The following LDB2 variants were observed in gnomAD, a reference collection of about 807,000 sequenced individuals.
LDB2 encodes the protein LIM domain-binding protein 2.
Under a neutral mutation model 44.3 loss-of-function variants are expected in LDB2, and 12 were observed. The observed-to-expected ratio is 0.27, with a 90% CI of 0.17 to 0.44. The LOEUF (loss-of-function observed/expected upper bound fraction) is 0.44, where lower values mean the gene tolerates loss of function less well. Among genes scored for constraint, LDB2 ranks in the 20% least tolerant of loss-of-function variants. The probability of loss-of-function intolerance (pLI) is 1.00; values close to 1 mark genes in which losing one functional copy is unlikely to be tolerated. For synonymous variants in LDB2, 164 were observed against 174.8 expected (o/e 0.94, Z 0.49); for missense variants, 344 against 473.5 (o/e 0.73, Z 2.54).
intron 1 of LDB2, among the ~76,000 whole-genome samples, chr4:16,881,994 A>C (rs979107884): frequency 3.9e-5 from 6 of 152,212 alleles, no homozygotes; most frequent in Non-Finnish European, 1.5e-5. Context: ...GTGGGTCAAA[A>C]TTTCCCACAT....
chr4:16,760,242 T>A (rs1277192713), intron 1 of LDB2, among the ~76,000 whole-genome samples: 1 of 152,176 alleles, frequency 6.6e-6, no homozygotes, highest in East Asian at 1.9e-4. Context: ...CCACTCCCCA[T>A]GTAATAGTCC....
intron 5 of LDB2, among the ~76,000 whole-genome samples, chr4:16,535,656 C>T (rs1282246763): frequency 2.6e-5 from 4 of 152,108 alleles, no homozygotes; most frequent in African/African-American, 4.8e-5. Context: ...GAACTGGGAC[C>T]AGATGGTTTA....
chr4:16,885,949 C>A (rs989340852), intron 1 of LDB2, among the ~76,000 whole-genome samples: 1 of 152,120 alleles, frequency 6.6e-6, no homozygotes, highest in Admixed American at 6.5e-5. Flanking sequence ...TTAACTCTGG[C>A]CTAAACTTGT....
chr4:16,753,208 C>T (rs1579341034), intron 2 of LDB2, among the ~76,000 whole-genome samples: 2 of 152,140 alleles, frequency 1.3e-5, no homozygotes, highest in East Asian at 1.9e-4. Context: ...ATGCATATTA[C>T]CAAGGAGTGA....
At chr4:16,670,430 G>A (rs1408874710) in intron 2 of LDB2, among the ~76,000 whole-genome samples, 1 of 152,106 alleles carries the variant, frequency 6.6e-6, no homozygotes, top group African/African-American at 2.4e-5. Flanking sequence ...CCACCACTGG[G>A]GTCATTGCTG....
At chr4:16,776,489 T>C (rs529351872) in intron 1 of LDB2, among the ~76,000 whole-genome samples, 1 of 152,158 alleles carries the variant, frequency 6.6e-6, no homozygotes, top group Non-Finnish European at 1.5e-5. Flanking sequence ...GGATGGCAAA[T>C]GGATTTCAAC....
intron 1 of LDB2, among the ~76,000 whole-genome samples, chr4:16,818,365 C>T (rs576209071): frequency 7.2e-5 from 11 of 152,230 alleles, no homozygotes; most frequent in Non-Finnish European, 1.3e-4. Context: ...CCAGGCAGAA[C>T]GCAAAGAGAG....
chr4:16,613,537 A>G (rs898341657), intron 2 of LDB2, among the ~76,000 whole-genome samples: 11 of 152,146 alleles, frequency 7.2e-5, no homozygotes, highest in Non-Finnish European at 1.6e-4. Flanking sequence ...TCAGCCCCCA[A>G]ATTTCTTGAA....
intron 2 of LDB2, among the ~76,000 whole-genome samples, chr4:16,676,032 C>T (rs143033793): frequency 6.6e-6 from 1 of 152,216 alleles, no homozygotes; most frequent in African/African-American, 2.4e-5. Context: ...GTATTTTATA[C>T]CCACATGAAG....
At chr4:16,508,133 T>C (rs1720284677) in intron 7 of LDB2, among the ~76,000 whole-genome samples, 1 of 152,098 alleles carries the variant, frequency 6.6e-6, no homozygotes, top group African/African-American at 2.4e-5. Context: ...CAAATTACAA[T>C]ATGGGACTGA....
chr4:16,882,267 G>C (rs1720361683), intron 1 of LDB2, among the ~76,000 whole-genome samples: 1 of 152,192 alleles, frequency 6.6e-6, no homozygotes. Context: ...ATTAAGGAAT[G>C]AATGAGTCAA....
At chr4:16,715,369 T>A (rs968149604) in intron 2 of LDB2, among the ~76,000 whole-genome samples, 1 of 152,232 alleles carries the variant, frequency 6.6e-6, no homozygotes, top group African/African-American at 2.4e-5. Flanking sequence ...AACACAGCTT[T>A]TTGAATGAAT....
At chr4:16,777,350 G>T (rs1371436456) in intron 1 of LDB2, among the ~76,000 whole-genome samples, 1 of 152,128 alleles carries the variant, frequency 6.6e-6, no homozygotes, top group African/African-American at 2.4e-5. Flanking sequence ...GCCGAGGCAT[G>T]AGAGGATTTG....
At chr4:16,530,561 G>A (rs185290757) in intron 5 of LDB2, among the ~76,000 whole-genome samples, 281 of 152,300 alleles carry the variant, frequency 1.8e-3, no homozygotes, top group South Asian at 3.7e-3. Context: ...TCTGAAAAAG[G>A]ATCTAGTTTA....
chr4:16,822,555 G>A (rs1285307958), intron 1 of LDB2, among the ~76,000 whole-genome samples: 15 of 151,924 alleles, frequency 9.9e-5, no homozygotes, highest in South Asian at 2.1e-4. Flanking sequence ...TTGCTCTTTC[G>A]CCCTGGCTGG....
chr4:16,763,874 G>A (rs1768564306), intron 1 of LDB2, among the ~76,000 whole-genome samples: 1 of 151,996 alleles, frequency 6.6e-6, no homozygotes, highest in African/African-American at 2.4e-5. Flanking sequence ...CTGTTTGCTT[G>A]TTGGGTAAGT....
At chr4:16,644,752 A>G (rs1736224298) in intron 2 of LDB2, among the ~76,000 whole-genome samples, 1 of 151,992 alleles carries the variant, frequency 6.6e-6, no homozygotes, top group Non-Finnish European at 1.5e-5. Flanking sequence ...TTTGTCTTAC[A>G]CTTTCTGATA....
chr4:16,502,325 A>C lies in LDB2; in HGVS notation c.*318T>G, dbSNP rs1307348430. 9.6e-6 allele frequency: 3 copies of C among 312,024 alleles called. No homozygotes were observed. Among genetic ancestry groups the C allele is most frequent in the Non-Finnish European group, 1.8e-5 (3 of 165,498 alleles). 19.3% of individuals were successfully genotyped at this position (312,024 alleles called of 1,614,324 possible). On this transcript the variant is annotated 3_prime_UTR_variant, in exon 8 of 8. Coordinates refer to ENST00000304523, the MANE Select transcript of LDB2 (RefSeq NM_001290.5). ...ATATGGCCTTCGTTTGATGCATAAA[A>C]AGGAAATTCAACACAAACACGTTGT... is the stretch of plus-strand genomic sequence containing the variant.
chr4:16,762,528 A>G (rs1239604877), intron 1 of LDB2, among the ~76,000 whole-genome samples: 1 of 152,128 alleles, frequency 6.6e-6, no homozygotes, highest in Non-Finnish European at 1.5e-5. Flanking sequence ...GAGGAGAGGA[A>G]TGAATGCCCA....
Sources: gnomAD v4.1 joint callset for allele counts (sites outside exome capture counted in the v4.1 genomes callset) on GRCh38, gnomAD v4.1.1 for gene constraint, MANE v1.5 for transcripts, NCBI Gene and HGNC (gene_info 2026-07-23, HGNC 2026-07-21) for gene names.